The following COL7A1 variants were observed in gnomAD, a reference collection of about 807,000 sequenced individuals.
COL7A1 encodes collagen type VII alpha 1 chain.
A neutral mutation model predicts 456.2 loss-of-function variants in COL7A1; 296 were observed. The ratio of observed to expected loss-of-function variants is 0.65; its 90% CI spans 0.59 to 0.71. COL7A1 has a LOEUF of 0.71. Among genes scored for constraint, COL7A1 ranks in the 30% least tolerant of loss-of-function variants. The pLI is 0.00. For missense variants in COL7A1, 3,441 were observed against 4,017.2 expected, an observed-to-expected ratio of 0.86 and a Z score of 3.88; for synonymous variants, 1,464 against 1,525.9, an observed-to-expected ratio of 0.96 and a Z score of 0.95.
chr3:48,582,451 C>G, intron 46 of COL7A1, 27 bp downstream of exon 46: 2 of 1,614,176 alleles, frequency 1.2e-6, no homozygotes, highest in African/African-American at 1.3e-5. Flanking sequence ...TAGTACCAGA[C>G]AGTGCCACCC....
Position 48,592,433 on chromosome 3 carries a change from AT to A in COL7A1, c.1010del (p.Asn337IlefsTer22), listed in dbSNP as rs2045771268. 1.9e-6 allele frequency: 3 copies of A among 1,613,572 alleles called. No individual in the cohort carries two copies. Among genetic ancestry groups the A allele is most frequent in the Non-Finnish European group, 2.5e-6 (3 of 1,179,970 alleles). On this transcript the variant is annotated frameshift_variant, in exon 9 of 119. Coordinates refer to ENST00000681320, the MANE Select transcript of COL7A1 (RefSeq NM_000094.4). LOFTEE classifies it high-confidence loss of function. The surrounding 1 kb of genome is among the most constrained non-coding windows in gnomAD (Gnocchi z 7.6). Reference sequence around the variant, plus strand: ...CCACCAGGAGGCTGTGGGCTGTGGTATTCTGGATGGTCAGTTCCGGCCCTTC... The same window carrying A: ...CCACCAGGAGGCTGTGGGCTGTGGTATCTGGATGGTCAGTTCCGGCCCTTC... ...ALEGPELTIQNTTAHSLLVAW... is the reference protein window; with the variant it reads ...ALEGPELTIQXTTAHSLLVAW...
rs764353299 is a variant in COL7A1 at position 48,585,601 on chromosome 3, C to T, written c.3850G>A (p.Gly1284Ser). ...GCACTTCCAGGGGGCCCCTGGGGGC[C>T]GGGAGCACCGGTCCTGCCCTGAAAG... Reference protein sequence around the residue: ...PGLPGRTGAPGPQGPPGSATA... With the variant: ...PGLPGRTGAPSPQGPPGSATA... Residue 1284 changes from glycine to serine, a missense_variant, in exon 32 of 119, where the codon GGC (glycine) becomes AGC (serine). Transcript: ENST00000681320. This position sits in a 1 kb window ranked among gnomAD's most constrained non-coding sequence, Gnocchi z 4.5. 11 of 1,613,950 alleles carry T rather than the reference C, an allele frequency of 6.8e-6. No individual in the cohort carries two copies. The highest frequency in any genetic ancestry group is 2.2e-5 in the South Asian group (2 of 91,086).
rs373351471 is a variant in COL7A1, at chr3:48,583,230, C to T, written c.4438-59G>A. On this transcript the variant is annotated intron_variant, in intron 42 of 118. Transcript: ENST00000681320. The surrounding 1 kb of genome is among the most constrained non-coding windows in gnomAD (Gnocchi z 5.1). Reference sequence around the variant, plus strand: ...GAGAGGGTTGGTGGCGGGGCTTGAACGTCAAACCCCAGACAAGGGGTCCCA... The same window carrying T: ...GAGAGGGTTGGTGGCGGGGCTTGAATGTCAAACCCCAGACAAGGGGTCCCA... 92 of 1,607,198 alleles carry T rather than the reference C, an allele frequency of 5.7e-5. No individual in the cohort carries two copies. The highest frequency in any genetic ancestry group is 7.5e-5 in the Non-Finnish European group (88 of 1,176,490).
rs746960012 is a variant in COL7A1, at chr3:48,589,031, G to A, written c.2315-36C>T. Reference sequence around the variant, plus strand: ...AGGCAAGGTAAGGGGTCCTGGTAGAGAACAGAGAGGCAGTGCAGGAATGGT... The same window carrying A: ...AGGCAAGGTAAGGGGTCCTGGTAGAAAACAGAGAGGCAGTGCAGGAATGGT... On this transcript the variant is annotated intron_variant, in intron 18 of 118. Coordinates refer to ENST00000681320, the MANE Select transcript of COL7A1 (RefSeq NM_000094.4). 7.4e-6 allele frequency: 12 copies of A among 1,612,696 alleles called. No homozygotes were observed. In the East Asian group the frequency reaches 2.0e-4, roughly 27 times the overall value.
chr3:48,587,058 C>T lies in COL7A1; in HGVS notation c.3190G>A (p.Asp1064Asn). 2 of 1,610,426 alleles carry T rather than the reference C, an allele frequency of 1.2e-6. No homozygotes were observed. The highest frequency in any genetic ancestry group is 2.2e-5 in the East Asian group (1 of 44,802). The change falls in exon 25 of 119, where the codon GAC becomes AAC. Residue 1064 changes from aspartate to asparagine, a missense_variant. Around this residue, in one of 3 missense-constraint regions of COL7A1, gnomAD observed 444 missense variants for 427.6 expected, o/e 1.04. Coordinates refer to ENST00000681320, the MANE Select transcript of COL7A1 (RefSeq NM_000094.4). This position sits in a 1 kb window ranked among gnomAD's most constrained non-coding sequence, Gnocchi z 6.1. ...GTAGCCTCCGCACGGTGAGCATTGTCTTGAGTGGCATGTGGTAGGAACACC... is the reference window on the plus strand; with the variant it reads ...GTAGCCTCCGCACGGTGAGCATTGTTTTGAGTGGCATGTGGTAGGAACACC... ...DVVFLPHATQ[D>N]NAHRAEATRR...
Position 48,594,603 on chromosome 3 carries a change from C to T in COL7A1, c.86-55G>A. 2 of 1,527,748 alleles carry T rather than the reference C, an allele frequency of 1.3e-6. No individual in the cohort carries two copies. The highest frequency in any genetic ancestry group is 2.4e-5 in the South Asian group (2 of 84,288). The allele number at this position is 1,527,748 out of a possible 1,614,324, so 94.6% of individuals were successfully genotyped here. The stretch of plus-strand genomic sequence containing the variant: ...TTCTGGGAGGCCAACCACCCGCCTA[C>T]CCGCACGGTGGCCTCACTGGGACTT... On this transcript the variant is annotated intron_variant, in intron 2 of 118. Transcript: ENST00000681320. This position sits in a 1 kb window ranked among gnomAD's most constrained non-coding sequence, Gnocchi z 5.5.
In COL7A1 at chr3:48,578,408, G is replaced by A; in HGVS notation, c.5488-43C>T. ...TGGTTGGATGTCGGGGATCGGGTGA[G>A]GGTAGTAAGGGGGAAAAGGGGGTAA... On this transcript the variant is annotated intron_variant, in intron 64 of 118. Coordinates refer to ENST00000681320, the MANE Select transcript of COL7A1 (RefSeq NM_000094.4). The surrounding 1 kb of genome is among the most constrained non-coding windows in gnomAD (Gnocchi z 4.7). 1 of 1,613,558 alleles carries A rather than the reference G, an allele frequency of 6.2e-7. No individual in the cohort carries two copies. Among genetic ancestry groups the A allele is most frequent in the Non-Finnish European group, 8.5e-7 (1 of 1,180,016 alleles).
Position 48,580,807 on chromosome 3 carries a change from A to T in COL7A1, c.4980+75T>A. On this transcript the variant is annotated intron_variant, in intron 54 of 118. Transcript: ENST00000681320. The surrounding 1 kb of genome is among the most constrained non-coding windows in gnomAD (Gnocchi z 4.5). ...CCTGCAGGGACTCCCATCACCCCTT[A>T]CCCCCCTCAGCCTTTCCTATCACCT... The T allele has an allele frequency of 5.0e-6, 8 of 1,590,324 alleles. No homozygotes were observed. Among genetic ancestry groups the T allele is most frequent in the Non-Finnish European group, 6.9e-6 (8 of 1,159,974 alleles).
At chr3:48,577,628 C>A (rs1426083340) in intron 65 of COL7A1, among the ~76,000 whole-genome samples, 1 of 152,234 alleles carries the variant, frequency 6.6e-6, no homozygotes, top group Non-Finnish European at 1.5e-5. Flanking sequence ...CACAGGTCCA[C>A]ATGCGGTCTT....
At position 48,574,271 on chromosome 3, in the gene COL7A1, T is replaced by C. The variant is rs1378293930; in HGVS notation, c.6492A>G (p.Glu2164=). The change falls in exon 80 of 119, where the codon GAA becomes GAG. Residue 2164 remains glutamate (E), a synonymous_variant. Transcript: ENST00000681320. The surrounding 1 kb of genome is among the most constrained non-coding windows in gnomAD (Gnocchi z 5.0). ...LPGERGMAGP[E]GKPGLQGPRG... ...TTCAGCCACCACTCACCGGCTTCCC[T>C]TCAGGCCCAGCCATACCACGCTCTC... 1.2e-6 allele frequency: 2 copies of C among 1,613,974 alleles called. No homozygotes were observed. The highest frequency in any genetic ancestry group is 4.5e-5 in the East Asian group (2 of 44,880).
Position 48,575,535 on chromosome 3 carries a change from G to A in COL7A1, c.5984C>T (p.Pro1995Leu). Residue 1995 changes from proline (P) to leucine (L), a missense_variant, in exon 74 of 119, where the codon CCC (proline) becomes CTC (leucine). Physicochemically the swap from Pro to Leu is moderately conservative, Grantham distance 98 (BLOSUM62 -3). Around this residue, in one of 3 missense-constraint regions of COL7A1, gnomAD observed 2,084 missense variants for 2,501.3 expected, o/e 0.83. Transcript: ENST00000681320. The surrounding 1 kb of genome is among the most constrained non-coding windows in gnomAD (Gnocchi z 6.3). ...CCCGCGTTCTCCAGGAAAGCCGATG[G>A]GGCCCTGCAGGAGTGGAAGAGAGAA... is the stretch of plus-strand genomic sequence containing the variant. The part of the protein sequence containing the change: ...GEQGPPGKEG[P>L]IGFPGERGLK... The A allele has an allele frequency of 6.2e-7, 1 of 1,612,702 alleles. No homozygotes were observed. The highest frequency in any genetic ancestry group is 2.2e-5 in the East Asian group (1 of 44,860).
Position 48,581,292 on chromosome 3 carries a change from G to T in COL7A1, c.4867C>A (p.Pro1623Thr). 6.2e-7 allele frequency: 1 copy of T among 1,613,494 alleles called. No individual in the cohort carries two copies. Residue 1623 changes from proline (P) to threonine (T), a missense_variant, in exon 52 of 119, where the codon CCC (proline) becomes ACC (threonine). By Grantham distance (38) the Pro-to-Thr change is conservative. Coordinates refer to ENST00000681320, the MANE Select transcript of COL7A1 (RefSeq NM_000094.4). This position sits in a 1 kb window ranked among gnomAD's most constrained non-coding sequence, Gnocchi z 5.8. ...CCTCGGGGGCCAACAGGTCCTGGGG[G>T]GCCAGGCCGCCCAGGGTCTCCCTTC... ...GEKGDPGRPG[P>T]PGPVGPRGRD...
In COL7A1 at chr3:48,580,001, AC is replaced by A; in HGVS notation, c.5124+29del. On this transcript the variant is annotated intron_variant, in intron 57 of 118. Coordinates refer to ENST00000681320, the MANE Select transcript of COL7A1 (RefSeq NM_000094.4). The surrounding 1 kb of genome is among the most constrained non-coding windows in gnomAD (Gnocchi z 4.5). ...GCCAAAGGGGCAAGTGAGAACAATG[AC>A]AGAGGACCAGACCCAGCGCAGCCCT... 6.2e-7 allele frequency: 1 copy of A among 1,613,904 alleles called. No homozygotes were observed. The highest frequency in any genetic ancestry group is 8.5e-7 in the Non-Finnish European group (1 of 1,179,914).
In COL7A1 at chr3:48,566,384, A is replaced by G. The variant is rs57777914; in HGVS notation, c.8359-69T>C. On this transcript the variant is annotated intron_variant, in intron 113 of 118. Coordinates refer to ENST00000681320, the MANE Select transcript of COL7A1 (RefSeq NM_000094.4). This position sits in a 1 kb window ranked among gnomAD's most constrained non-coding sequence, Gnocchi z 5.9. Reference sequence around the variant, plus strand: ...ACAGGAAGGACATAGGGCACATAATACAGGGACTATGGTGAGACTGCATGG... The same window carrying G: ...ACAGGAAGGACATAGGGCACATAATGCAGGGACTATGGTGAGACTGCATGG... 4.5e-3 allele frequency: 7,214 copies of G among 1,603,146 alleles called. 273 individuals carry two copies. The African/African-American group carries it at 0.084, about 19-fold the overall frequency.
In COL7A1 at chr3:48,567,367, T is replaced by C. The variant is rs530984694; in HGVS notation, c.8047-177A>G. 6.5e-6 allele frequency: 6 copies of C among 924,308 alleles called. No individual in the cohort carries two copies. Among genetic ancestry groups the C allele is most frequent in the Non-Finnish European group, 1.0e-5 (6 of 589,558 alleles). 57.3% of individuals were successfully genotyped at this position (924,308 alleles called of 1,614,324 possible). On this transcript the variant is annotated intron_variant, in intron 109 of 118. Coordinates refer to ENST00000681320, the MANE Select transcript of COL7A1 (RefSeq NM_000094.4). The surrounding 1 kb of genome is among the most constrained non-coding windows in gnomAD (Gnocchi z 4.3). The stretch of plus-strand genomic sequence containing the variant: ...ACTCCACTATAGCCCCCTGCCCTGA[T>C]GCACATGCCCCCTCCACCTCCCATG...
Position 48,590,176 on chromosome 3 carries a change from G to A in COL7A1, c.2050+37C>T. 1 of 1,606,058 alleles carries A rather than the reference G, an allele frequency of 6.2e-7. No homozygotes were observed. The highest frequency in any genetic ancestry group is 8.5e-7 in the Non-Finnish European group (1 of 1,175,708). On this transcript the variant is annotated intron_variant, in intron 16 of 118. Coordinates refer to ENST00000681320, the MANE Select transcript of COL7A1 (RefSeq NM_000094.4). This position sits in a 1 kb window ranked among gnomAD's most constrained non-coding sequence, Gnocchi z 4.6. ...AGGCATGGGGGTCTGAAAGAGCAAT[G>A]GAGGCAGAGAGCCAAGGGACGGGGG... is the stretch of plus-strand genomic sequence containing the variant.
rs1443190334 is a variant in COL7A1, at chr3:48,581,914, T to G, written c.4665A>C (p.Glu1555Asp). The G allele has an allele frequency of 6.2e-7, 1 of 1,614,018 alleles. No individual in the cohort carries two copies. Among genetic ancestry groups the G allele is most frequent in the East Asian group, 2.2e-5 (1 of 44,878 alleles). ...CCTTGCCCCATACCAGGCTTACCTTTTCTCCTTTGGGTCCAGCAACAGCAG... is the reference window on the plus strand; with the variant it reads ...CCTTGCCCCATACCAGGCTTACCTTGTCTCCTTTGGGTCCAGCAACAGCAG... The part of the protein sequence containing the change: ...VGPAVAGPKG[E>D]KGDVGPAGPR... Residue 1555 changes from glutamate to aspartate, a missense_variant, in exon 48 of 119, where the codon GAA becomes GAC. By Grantham distance (45) the Glu-to-Asp change is conservative (BLOSUM62 2). Around this residue, in one of 3 missense-constraint regions of COL7A1, gnomAD observed 2,084 missense variants for 2,501.3 expected, o/e 0.83. Transcript: ENST00000681320. The surrounding 1 kb of genome is among the most constrained non-coding windows in gnomAD (Gnocchi z 5.8).
chr3:48,586,299 C>T lies in COL7A1; in HGVS notation c.3550+33G>A. ...TAGCCTTTTCAGGGCCACCCCTATT[C>T]CCAGACCCCTTCCCCATCAGCCTAC... On this transcript the variant is annotated intron_variant, in intron 27 of 118. Coordinates refer to ENST00000681320, the MANE Select transcript of COL7A1 (RefSeq NM_000094.4). The surrounding 1 kb of genome is among the most constrained non-coding windows in gnomAD (Gnocchi z 5.1). The T allele has an allele frequency of 6.2e-7, 1 of 1,613,794 alleles. No individual in the cohort carries two copies. The highest frequency in any genetic ancestry group is 8.5e-7 in the Non-Finnish European group (1 of 1,180,002).
Position 48,590,357 on chromosome 3 carries a change from C to A in COL7A1, c.1907-1G>T, listed in dbSNP as rs1245533711. ...GGCAGTGTCTGGCTGGACTCCGGAC[C>A]TGAGGTCAGAGGGAAATGCTGGCAT... On this transcript the variant is annotated splice_acceptor_variant, in intron 15 of 118. Coordinates refer to ENST00000681320, the MANE Select transcript of COL7A1 (RefSeq NM_000094.4). LOFTEE classifies it high-confidence loss of function. This position sits in a 1 kb window ranked among gnomAD's most constrained non-coding sequence, Gnocchi z 4.6. The A allele has an allele frequency of 6.2e-7, 1 of 1,613,954 alleles. No homozygotes were observed. Among genetic ancestry groups the A allele is most frequent in the Non-Finnish European group, 8.5e-7 (1 of 1,180,016 alleles).
Sources: allele counts gnomAD v4.1 joint callset (sites outside exome capture counted in the v4.1 genomes callset), GRCh38; gene constraint gnomAD v4.1.1; regional missense constraint gnomAD v4.1.1; non-coding constraint Gnocchi (gnomAD v3.1); transcripts MANE v1.5; gene names NCBI Gene and HGNC (gene_info 2026-07-23, HGNC 2026-07-21).